Variants in FSTL5 observed in about 807,000 individuals in gnomAD.
FSTL5 encodes the protein follistatin-related protein 5.
FSTL5 carries 62 observed loss-of-function variants against 89.1 expected under a neutral mutation model. The ratio of observed to expected loss-of-function variants is 0.70; its 90% CI spans 0.57 to 0.86. The LOEUF (loss-of-function observed/expected upper bound fraction) is 0.86. FSTL5 is among the 40% of genes least tolerant of loss of function. FSTL5 has a pLI of 0.00. For missense variants in FSTL5, 1,057 were observed against 1,001.6 expected, an observed-to-expected ratio of 1.06 and a Z score of -0.75; for synonymous variants, 383 against 346.2, an observed-to-expected ratio of 1.11 and a Z score of -1.18.
intron 1 of FSTL5, among the ~76,000 whole-genome samples, chr4:162,131,054 T>C (rs1732282726): frequency 6.6e-6 from 1 of 152,188 alleles, no homozygotes; most frequent in Non-Finnish European, 1.5e-5. Flanking sequence ...GTCATTTGAA[T>C]TAGAACACAA....
At chr4:161,450,445 G>A (rs914580716) in intron 15 of FSTL5, among the ~76,000 whole-genome samples, 4 of 152,156 alleles carry the variant, frequency 2.6e-5, no homozygotes, top group East Asian at 1.9e-4. Context: ...CAAGCATTTC[G>A]AAAACTGTTT....
intron 2 of FSTL5, among the ~76,000 whole-genome samples, chr4:162,090,241 T>C (rs944438519): frequency 2.6e-5 from 4 of 152,054 alleles, no homozygotes; most frequent in Non-Finnish European, 5.9e-5. Flanking sequence ...AATTAACAAG[T>C]GGGATCCAAT....
chr4:161,395,566 T>C (rs1362547215), intron 15 of FSTL5, among the ~76,000 whole-genome samples: 1 of 152,092 alleles, frequency 6.6e-6, no homozygotes, highest in Non-Finnish European at 1.5e-5. Flanking sequence ...GATTCTAAAA[T>C]CTAAAATTAA....
At chr4:161,693,738 A>C (rs1264010926) in intron 6 of FSTL5, among the ~76,000 whole-genome samples, 1 of 140,002 alleles carries the variant, frequency 7.1e-6, no homozygotes, top group Non-Finnish European at 1.5e-5. Context: ...TCCCGGGTTC[A>C]CGCCATTCTC....
chr4:162,029,471 T>C (rs1578963227), intron 3 of FSTL5, among the ~76,000 whole-genome samples: 1 of 152,088 alleles, frequency 6.6e-6, no homozygotes, highest in East Asian at 1.9e-4. Context: ...TTATAAGCCT[T>C]AGAATATCTT....
rs1396493336 is a variant in FSTL5 at position 162,106,446 on chromosome 4, A to G, written c.126+4825T>C. On this transcript the variant is annotated intron_variant, in intron 2 of 15. Transcript: ENST00000306100. The stretch of plus-strand genomic sequence containing the variant: ...CACTGTAGTTAAGAAAAAAGGTTGT[A>G]AGCTATGTAACTGACCCCAAAAGGA... Among the ~76,000 whole-genome samples the G allele has an allele frequency of 2.0e-5, 3 of 152,188 alleles. No homozygotes were observed. The East Asian group carries it at 5.8e-4, about 29-fold the overall frequency.
At chr4:162,046,241 G>A (rs1201767848) in intron 2 of FSTL5, among the ~76,000 whole-genome samples, 1 of 152,070 alleles carries the variant, frequency 6.6e-6, no homozygotes, top group East Asian at 1.9e-4. Flanking sequence ...TATCTGGAAA[G>A]ACAAATAGCT....
intron 6 of FSTL5, among the ~76,000 whole-genome samples, chr4:161,710,285 A>G (rs539832367): frequency 2.6e-5 from 4 of 152,246 alleles, no homozygotes; most frequent in Admixed American, 6.5e-5. Flanking sequence ...GACTTTTGAT[A>G]GTCTAAATAA....
intron 4 of FSTL5, among the ~76,000 whole-genome samples, chr4:161,902,129 T>G (rs1288452852): frequency 2.0e-5 from 3 of 152,176 alleles, no homozygotes; most frequent in Admixed American, 6.5e-5. Context: ...TATTATAAAT[T>G]ATCTATAATG....
intron 6 of FSTL5, among the ~76,000 whole-genome samples, chr4:161,737,779 T>G (rs78357172): frequency 0.011 from 1,710 of 151,110 alleles, 39 homozygotes; most frequent in South Asian, 0.071. Context: ...CCATTTATTG[T>G]GTAGATTTTA....
chr4:161,673,289 T>C (rs1301245772), intron 6 of FSTL5, among the ~76,000 whole-genome samples: 3 of 152,086 alleles, frequency 2.0e-5, no homozygotes, highest in Non-Finnish European at 4.4e-5. Context: ...GGCATCGACA[T>C]TTTGTGGCAT....
intron 4 of FSTL5, among the ~76,000 whole-genome samples, chr4:161,848,291 T>G (rs1486124476): frequency 2.0e-5 from 3 of 152,110 alleles, no homozygotes; most frequent in African/African-American, 7.2e-5. Context: ...CTTATAACTT[T>G]CAGGAGGCTG....
chr4:162,059,029 T>C (rs1223492922), intron 2 of FSTL5, among the ~76,000 whole-genome samples: 1 of 152,056 alleles, frequency 6.6e-6, no homozygotes, highest in African/African-American at 2.4e-5. Context: ...CATTTCAAAA[T>C]AATGGAGGAA....
intron 6 of FSTL5, among the ~76,000 whole-genome samples, chr4:161,669,291 C>T (rs1018171233): frequency 6.6e-5 from 10 of 151,882 alleles, no homozygotes; most frequent in African/African-American, 2.2e-4. Flanking sequence ...TGGATATCAA[C>T]AAATGAATCC....
At chr4:161,786,662 A>C (rs1741915137) in intron 4 of FSTL5, among the ~76,000 whole-genome samples, 1 of 152,148 alleles carries the variant, frequency 6.6e-6, no homozygotes, top group Non-Finnish European at 1.5e-5. Context: ...TGGTTCTGGT[A>C]TATAGTTAAA....
At chr4:161,440,859 G>A (rs1203147391) in intron 15 of FSTL5, among the ~76,000 whole-genome samples, 2 of 152,096 alleles carry the variant, frequency 1.3e-5, no homozygotes, top group Admixed American at 6.6e-5. Flanking sequence ...CACCCATTGA[G>A]CATGATAGAA....
At chr4:162,099,555 A>T (rs2111378381) in intron 2 of FSTL5, among the ~76,000 whole-genome samples, 1 of 152,332 alleles carries the variant, frequency 6.6e-6, no homozygotes, top group African/African-American at 2.4e-5. Context: ...AGTCCATGAA[A>T]GAAATAATTG....
At chr4:162,068,984 C>G (rs1362609148) in intron 2 of FSTL5, among the ~76,000 whole-genome samples, 1 of 151,964 alleles carries the variant, frequency 6.6e-6, no homozygotes, top group Admixed American at 6.6e-5. Context: ...GAAATCAAAA[C>G]CACAATGAGA....
intron 11 of FSTL5, among the ~76,000 whole-genome samples, chr4:161,500,711 T>C (rs1730264307): frequency 6.6e-6 from 1 of 152,170 alleles, no homozygotes; most frequent in African/African-American, 2.4e-5. Context: ...TCTATTTCTA[T>C]ACCTCAAAAC....
Sources: allele counts gnomAD v4.1 joint callset (sites outside exome capture counted in the v4.1 genomes callset), GRCh38; gene constraint gnomAD v4.1.1; transcripts MANE v1.5; gene names NCBI Gene and HGNC (gene_info 2026-07-23, HGNC 2026-07-21).